Variants in CD84 observed in about 807,000 individuals in gnomAD.
CD84 encodes the protein SLAM family member 5.
Under a neutral mutation model 33.8 loss-of-function variants are expected in CD84, and 22 were observed. That is an observed-to-expected ratio of 0.65 (90% CI 0.46 to 0.93). The LOEUF is 0.93. Among genes scored for constraint, CD84 ranks in the 40% least tolerant of loss-of-function variants. CD84 has a pLI of 0.00. For synonymous variants in CD84, 154 were observed against 145.2 expected, an observed-to-expected ratio of 1.06 and a Z score of -0.44; for missense variants, 400 against 397.6, an observed-to-expected ratio of 1.01 and a Z score of -0.05.
chr1:160,565,527 C>G lies in CD84; in HGVS notation c.265G>C (p.Gly89Arg). The G allele has an allele frequency of 6.2e-7, 1 of 1,613,984 alleles. No homozygotes were observed. Among genetic ancestry groups the G allele is most frequent in the Non-Finnish European group, 8.5e-7 (1 of 1,179,928 alleles). ...CTAATGACCAGATTGTAGTTCGGAC[C>G]TAAGGCATGTATCCGTTCATAATAA... Reference protein sequence around the residue: ...RNYYERIHALGPNYNLVISDL... With the variant: ...RNYYERIHALRPNYNLVISDL... The change falls in exon 2 of 7, where the codon GGT (glycine) becomes CGT (arginine). Residue 89 changes from glycine (G) to arginine (R), a missense_variant. Physicochemically the swap from Gly to Arg is moderately radical, Grantham distance 125 (BLOSUM62 -2). Coordinates refer to ENST00000368054, the MANE Select transcript of CD84 (RefSeq NM_003874.4).
At chr1:160,570,204 T>C (rs908989733) in intron 1 of CD84, among the ~76,000 whole-genome samples, 1 of 152,184 alleles carries the variant, frequency 6.6e-6, no homozygotes, top group Non-Finnish European at 1.5e-5. Context: ...CTTTATGTCA[T>C]TGAAAAACTC....
chr1:160,557,205 T>C (rs780515559), intron 2 of CD84, among the ~76,000 whole-genome samples: 6 of 152,230 alleles, frequency 3.9e-5, no homozygotes, highest in East Asian at 3.8e-4. Context: ...CCCAAGATCA[T>C]ACAGCTGGCA....
intron 2 of CD84, among the ~76,000 whole-genome samples, chr1:160,560,038 T>C (rs780568956): frequency 6.6e-6 from 1 of 152,098 alleles, no homozygotes; most frequent in African/African-American, 2.4e-5. Context: ...TCTCACACAA[T>C]AATAATGGGA....
At chr1:160,552,902 G>A (rs893838329) in intron 4 of CD84, 2 of 633,270 alleles carry the variant, frequency 3.2e-6, no homozygotes, top group African/African-American at 1.8e-5. Flanking sequence ...TCTGAATGGA[G>A]AATGGCACAA....
intron 6 of CD84, among the ~76,000 whole-genome samples, chr1:160,549,147 C>A (rs572059656): frequency 1.3e-5 from 2 of 152,274 alleles, no homozygotes; most frequent in South Asian, 4.1e-4. Flanking sequence ...TTCAAGTCCT[C>A]CTTAAAAGGA....
rs1411362328 is a variant in CD84, at chr1:160,565,786, C to T, written c.47-41G>A. 3 of 1,470,454 alleles carry T rather than the reference C, an allele frequency of 2.0e-6. No individual in the cohort carries two copies. In the South Asian group the frequency reaches 4.3e-5, roughly 21 times the overall value. 91.1% of individuals were successfully genotyped at this position (1,470,454 alleles called of 1,614,324 possible). A position where few individuals can be genotyped will look rare whatever the true frequency, so the allele number is the denominator to read the frequency against. ...GAAAACTGTAGCCATCTGACTGTTG[C>T]AGCTTTTTCACTTCCTAATCTTTTT... On this transcript the variant is annotated intron_variant, in intron 1 of 6. Coordinates refer to ENST00000368054, the MANE Select transcript of CD84 (RefSeq NM_003874.4).
intron 1 of CD84, among the ~76,000 whole-genome samples, chr1:160,567,427 G>A (rs991589386): frequency 9.2e-5 from 14 of 152,170 alleles, no homozygotes; most frequent in African/African-American, 3.4e-4. Flanking sequence ...CAAGGCCTGA[G>A]GATTTAGTTG....
In CD84 at chr1:160,553,476, G is replaced by A; in HGVS notation, c.662C>T (p.Thr221Ile). 1 of 1,614,106 alleles carries A rather than the reference G, an allele frequency of 6.2e-7. No homozygotes were observed. Residue 221 changes from threonine to isoleucine, a missense_variant, in exon 4 of 7, where the codon ACT (threonine) becomes ATT (isoleucine). Thr to Ile is a moderately conservative substitution (Grantham distance 89). Transcript: ENST00000368054. The stretch of plus-strand genomic sequence containing the variant: ...CACGCTCAGCAACCCGGTGTGGTGA[G>A]TACGGAAGCCCATTGCGATGTCTGG... ...LCADIAMGFR[T>I]HHTGLLSVLA... is the part of the protein sequence containing the mutation.
At chr1:160,556,955 C>T (rs999647452) in intron 2 of CD84, among the ~76,000 whole-genome samples, 12 of 152,234 alleles carry the variant, frequency 7.9e-5, no homozygotes, top group African/African-American at 2.9e-4. Context: ...TTGGGTATGG[C>T]TCTTTGACTA....
At chr1:160,573,638 A>G (rs539486518) in intron 1 of CD84, among the ~76,000 whole-genome samples, 1 of 152,254 alleles carries the variant, frequency 6.6e-6, no homozygotes, top group East Asian at 1.9e-4. Context: ...TTTCCTGGTC[A>G]CTGTGCCTAA....
At position 160,567,826 on chromosome 1, in the gene CD84, G is replaced by T. The variant is rs114981605; in HGVS notation, c.47-2081C>A. Among the ~76,000 whole-genome samples the T allele has an allele frequency of 5.3e-5, 8 of 152,232 alleles. No homozygotes were observed. The South Asian group carries it at 1.7e-3, about 32-fold the overall frequency. ...TTCTGGGCTGACGGGTTCTAGGAGA[G>T]GGGTATTTGGAGTGTCCCAGCGTGA... On this transcript the variant is annotated intron_variant, in intron 1 of 6. Transcript: ENST00000368054.
intron 5 of CD84, chr1:160,550,601 C>T (rs958202128): frequency 4.1e-6 from 4 of 984,552 alleles, no homozygotes; most frequent in Non-Finnish European, 4.8e-6. Context: ...AGTCACATAG[C>T]AGCCCTCACC....
intron 2 of CD84, among the ~76,000 whole-genome samples, chr1:160,561,811 A>T (rs1253284375): frequency 6.6e-6 from 1 of 152,226 alleles, no homozygotes. Context: ...CAACTTCAGC[A>T]ATCCTCAAGG....
Position 160,553,945 on chromosome 1 carries a change from T to C in CD84, c.590A>G (p.Asn197Ser). The C allele has an allele frequency of 6.2e-7, 1 of 1,614,120 alleles. No individual in the cohort carries two copies. Among genetic ancestry groups the C allele is most frequent in the Non-Finnish European group, 8.5e-7 (1 of 1,180,012 alleles). The part of the protein sequence containing the change: ...QELTYTCTAQ[N>S]PVSNNSDSIS... ...GGAGTCAGAATTGTTGCTGACAGGG[T>C]TCTGGGCTGTACACGTGTAAGTCAG... The change falls in exon 3 of 7, where the codon AAC becomes AGC. Residue 197 changes from asparagine to serine, a missense_variant. Physicochemically the swap from Asn to Ser is conservative, Grantham distance 46. Coordinates refer to ENST00000368054, the MANE Select transcript of CD84 (RefSeq NM_003874.4).
At position 160,565,515 on chromosome 1, in the gene CD84, T is replaced by A. The variant is rs372847976; in HGVS notation, c.277A>T (p.Asn93Tyr). ...ATCCTCAGATCGCTAATGACCAGAT[T>A]GTAGTTCGGACCTAAGGCATGTATC... ...ERIHALGPNY[N>Y]LVISDLRMED... The change falls in exon 2 of 7, where the codon AAT (asparagine) becomes TAT (tyrosine). Residue 93 changes from asparagine to tyrosine, a missense_variant. By Grantham distance (143) the Asn-to-Tyr change is moderately radical. Coordinates refer to ENST00000368054, the MANE Select transcript of CD84 (RefSeq NM_003874.4). 39 of 1,613,910 alleles carry A rather than the reference T, an allele frequency of 2.4e-5. No homozygotes were observed. Among genetic ancestry groups the A allele is most frequent in the Non-Finnish European group, 3.1e-5 (36 of 1,179,928 alleles).
In CD84 at chr1:160,546,424, C is replaced by T. The variant is rs1324025479; in HGVS notation, c.*1832G>A. 6.6e-6 allele frequency: 1 copy of T among 152,180 alleles called. No individual in the cohort carries two copies. The highest frequency in any genetic ancestry group is 1.5e-5 in the Non-Finnish European group (1 of 68,056). The allele number at this position is 152,180 out of a possible 1,614,324, so 9.4% of individuals were successfully genotyped here. A position where few individuals can be genotyped will look rare whatever the true frequency, so the allele number is the denominator to read the frequency against. ...AAAAAACAGCAGTGTGAAAAGATCC[C>T]TGATTAATTTTGATTCCTGATACCA... On this transcript the variant is annotated 3_prime_UTR_variant, in exon 7 of 7. Transcript: ENST00000368054.
chr1:160,567,192 A>G (rs1310425580), intron 1 of CD84, among the ~76,000 whole-genome samples: 1 of 152,222 alleles, frequency 6.6e-6, no homozygotes, highest in African/African-American at 2.4e-5. Flanking sequence ...GGTTGACCCT[A>G]AAGTTTATCC....
chr1:160,571,767 G>T (rs540295945), intron 1 of CD84, among the ~76,000 whole-genome samples: 15 of 152,256 alleles, frequency 9.9e-5, no homozygotes, highest in African/African-American at 3.1e-4. Context: ...GGAACTCCAG[G>T]TTTCCCTCTC....
intron 3 of CD84, 106 bp from the exon 4 acceptor site, chr1:160,553,603 A>T: frequency 3.0e-6 from 4 of 1,320,550 alleles, no homozygotes; most frequent in Non-Finnish European, 3.2e-6. Context: ...GTGCCCTCCG[A>T]AGGAGTGCCA....
Sources: gnomAD v4.1 joint callset for allele counts (sites outside exome capture counted in the v4.1 genomes callset) on GRCh38, gnomAD v4.1.1 for gene constraint, MANE v1.5 for transcripts, NCBI Gene and HGNC (gene_info 2026-07-23, HGNC 2026-07-21) for gene names.